The following ARSG variants were observed in gnomAD, a reference collection of about 807,000 sequenced individuals.
ARSG encodes ASG.
A neutral mutation model predicts 50.5 loss-of-function variants in ARSG; 37 were observed. That is an observed-to-expected ratio of 0.73 (90% CI 0.56 to 0.96). The LOEUF is 0.96. Among genes scored for constraint, ARSG ranks in the 50% least tolerant of loss-of-function variants. The pLI is 0.00. For missense variants in ARSG, 629 were observed against 675.3 expected, an observed-to-expected ratio of 0.93 and a Z score of 0.76; for synonymous variants, 225 against 254.6, an observed-to-expected ratio of 0.88 and a Z score of 1.11.
downstream of ARSG, among the ~76,000 whole-genome samples, chr17:68,425,196 C>A (rs1359632405): frequency 6.6e-6 from 1 of 152,110 alleles, no homozygotes; most frequent in Non-Finnish European, 1.5e-5. Context: ...CTCCACAGAG[C>A]ACACAATTGC....
intron 1 of ARSG, among the ~76,000 whole-genome samples, chr17:68,295,223 A>G (rs1279140680): frequency 6.6e-6 from 1 of 152,088 alleles, no homozygotes; most frequent in African/African-American, 2.4e-5. Context: ...CATGAGAAGA[A>G]GGTAGGAGGT....
At chr17:68,325,816 C>T (rs180691428) in intron 2 of ARSG, among the ~76,000 whole-genome samples, 2 of 152,366 alleles carry the variant, frequency 1.3e-5, no homozygotes, top group Admixed American at 1.3e-4. Flanking sequence ...AGCTATTTCT[C>T]ATTCTCTGGT....
chr17:68,289,798 C>T (rs969675870), upstream of ARSG, among the ~76,000 whole-genome samples: 8 of 152,050 alleles, frequency 5.3e-5, no homozygotes, highest in Non-Finnish European at 1.2e-4. Context: ...AGTCCTTTTT[C>T]GGAAACCACA....
downstream of ARSG, chr17:68,426,202 C>T (rs374646054): frequency 6.6e-7 from 1 of 1,524,844 alleles, no homozygotes; most frequent in African/African-American, 1.4e-5. Flanking sequence ...AGACATGAAA[C>T]AAGCACTGGG....
chr17:68,366,940 T>A (rs1309705007), intron 6 of ARSG, among the ~76,000 whole-genome samples: 1 of 152,178 alleles, frequency 6.6e-6, no homozygotes, highest in Non-Finnish European at 1.5e-5. Context: ...CTACCTTCTC[T>A]CTATGAATTT....
intron 1 of ARSG, among the ~76,000 whole-genome samples, chr17:68,299,937 CTTTT>C (rs34778190): frequency 7.2e-6 from 1 of 137,986 alleles, no homozygotes; most frequent in Admixed American, 7.3e-5. Flanking sequence ...TTTGGTATTG[CTTTT>C]TTTTTTTTTT....
intron 1 of ARSG, chr17:68,285,543 A>T (rs530905182): frequency 6.6e-6 from 1 of 152,368 alleles, no homozygotes; most frequent in African/African-American, 2.4e-5. Context: ...GGTGGTGCGC[A>T]CCTGTGCTTC....
intron 9 of ARSG, among the ~76,000 whole-genome samples, chr17:68,387,085 A>T (rs201982316): frequency 0.14 from 5,480 of 39,006 alleles, 276 homozygotes; most frequent in South Asian, 0.41. Flanking sequence ...TGTATCACAC[A>T]CACACACACA....
At chr17:68,352,245 G>A (rs565392500) in intron 5 of ARSG, among the ~76,000 whole-genome samples, 1 of 151,740 alleles carries the variant, frequency 6.6e-6, no homozygotes, top group East Asian at 1.9e-4. Flanking sequence ...GGACAACTAA[G>A]CCAGCATTCT....
chr17:68,262,491 C>A (rs2144839866), intron 1 of ARSG, among the ~76,000 whole-genome samples: 1 of 149,374 alleles, frequency 6.7e-6, no homozygotes, highest in East Asian at 2.0e-4. Flanking sequence ...AGAAAAAGAG[C>A]CAGTGAGGCT....
intron 1 of ARSG, among the ~76,000 whole-genome samples, chr17:68,293,509 A>AATT (rs1437143749): frequency 1.3e-5 from 2 of 151,886 alleles, no homozygotes; most frequent in East Asian, 3.8e-4. Flanking sequence ...TAATAATAAT[A>AATT]ATAATAATAG....
chr17:68,429,909 T>A, the ARSG span: 1 of 1,586,428 alleles, frequency 6.3e-7, no homozygotes, highest in African/African-American at 1.4e-5. Context: ...TTTCTTTTTT[T>A]CTTTTCAGGT....
the ARSG span, among the ~76,000 whole-genome samples, chr17:68,437,003 A>ATATATATATATATATAT: frequency 3.3e-5 from 2 of 60,334 alleles, no homozygotes; most frequent in Admixed American, 1.9e-4. Flanking sequence ...CAAAAAAAAA[A>ATATATATATATATATAT]AAATATATAT....
chr17:68,261,432 T>G (rs2075069419), intron 1 of ARSG, among the ~76,000 whole-genome samples: 2 of 152,088 alleles, frequency 1.3e-5, no homozygotes, highest in African/African-American at 4.8e-5. Flanking sequence ...CAGGCTAGAG[T>G]GCAGTGGTGT....
intron 1 of ARSG, chr17:68,282,885 T>G (rs369852101): frequency 7.0e-6 from 1 of 143,484 alleles, no homozygotes; most frequent in East Asian, 2.0e-4. Flanking sequence ...GAGGTGGAGG[T>G]TGCAGTGAGC....
Position 68,283,414 on chromosome 17 carries a change from C to G in ARSG, c.-551-23529C>G, listed in dbSNP as rs551354191. 1.9e-3 allele frequency among the ~76,000 whole-genome samples: 282 copies of G among 150,894 alleles called. 2 individuals carry two copies. Among genetic ancestry groups the G allele is most frequent in the Admixed American group, 3.8e-3 (58 of 15,158 alleles). On this transcript the variant is annotated intron_variant, in intron 1 of 11. Coordinates refer to the ARSG transcript ENST00000448504. ...CGGGCGCCTGTAGTCCCAGCTACTC[C>G]GGAGGCTGAGGCAGGAGAATGGCGT...
chr17:68,438,008 T>A, the ARSG span, among the ~76,000 whole-genome samples: 1 of 145,938 alleles, frequency 6.9e-6, no homozygotes, highest in African/African-American at 2.5e-5. Context: ...GTATATTAAG[T>A]GGGTTTCTTC....
intron 2 of ARSG, among the ~76,000 whole-genome samples, chr17:68,311,826 A>C (rs1555766874): frequency 1.8e-5 from 2 of 113,334 alleles, no homozygotes; most frequent in Non-Finnish European, 3.6e-5. Context: ...TTTTTGACGG[A>C]GTCTTGCTCT....
chr17:68,402,054 C>T (rs1254482963), intron 11 of ARSG, among the ~76,000 whole-genome samples: 1 of 152,222 alleles, frequency 6.6e-6, no homozygotes, highest in Admixed American at 6.5e-5. Flanking sequence ...CTTCCTTGGT[C>T]TCCATATTAA....
Sources: allele counts gnomAD v4.1 joint callset (sites outside exome capture counted in the v4.1 genomes callset), GRCh38; gene constraint gnomAD v4.1.1; transcripts MANE v1.5; gene names NCBI Gene and HGNC (gene_info 2026-07-23, HGNC 2026-07-21).